Variants in TTC29 observed in about 807,000 individuals in gnomAD.
TTC29 encodes tetratricopeptide repeat domain 29.
Under a neutral mutation model 58.1 loss-of-function variants are expected in TTC29, and 49 were observed. The observed-to-expected ratio is 0.84, with a 90% CI of 0.67 to 1.07. The LOEUF (loss-of-function observed/expected upper bound fraction) is 1.07, where lower values mean the gene tolerates loss of function less well. Ranked by LOEUF, TTC29 falls within the 50% of genes least tolerant of loss-of-function variation. TTC29 has a pLI of 0.00. For synonymous variants in TTC29, 209 were observed against 196.8 expected, an observed-to-expected ratio of 1.06 and a Z score of -0.52; for missense variants, 582 against 555.6, an observed-to-expected ratio of 1.05 and a Z score of -0.48.
intron 11 of TTC29, among the ~76,000 whole-genome samples, chr4:146,795,379 C>A (rs1200190775): frequency 6.6e-6 from 1 of 152,052 alleles, no homozygotes; most frequent in Admixed American, 6.6e-5. Context: ...ATACTGGGCC[C>A]ACTGACCCAT....
At chr4:146,866,752 C>T (rs1368473202) in intron 8 of TTC29, among the ~76,000 whole-genome samples, 1 of 151,848 alleles carries the variant, frequency 6.6e-6, no homozygotes, top group Non-Finnish European at 1.5e-5. Context: ...TTCTACTTAG[C>T]AAAAAATATC....
intron 8 of TTC29, among the ~76,000 whole-genome samples, chr4:146,864,734 A>G (rs1730458545): frequency 6.6e-6 from 1 of 151,992 alleles, no homozygotes; most frequent in Non-Finnish European, 1.5e-5. Context: ...TTGTCTTCAC[A>G]TGGTCTTTTC....
chr4:146,804,959 G>T (rs1750498311), intron 10 of TTC29, among the ~76,000 whole-genome samples: 1 of 152,186 alleles, frequency 6.6e-6, no homozygotes, highest in Non-Finnish European at 1.5e-5. Context: ...CCCAGCAGGG[G>T]TCGACAGACA....
intron 8 of TTC29, among the ~76,000 whole-genome samples, chr4:146,847,501 C>A (rs933586573): frequency 6.6e-6 from 1 of 152,116 alleles, no homozygotes; most frequent in Admixed American, 6.6e-5. Flanking sequence ...ATTGACAAAA[C>A]AAGCCAGTGT....
chr4:146,832,088 A>G (rs562212529), intron 9 of TTC29, among the ~76,000 whole-genome samples: 27 of 152,268 alleles, frequency 1.8e-4, no homozygotes, highest in South Asian at 4.1e-4. Context: ...CTGGAACACA[A>G]TGGAAATATC....
intron 11 of TTC29, among the ~76,000 whole-genome samples, chr4:146,728,827 A>ACATATATATGTATATATACG (rs1579539140): frequency 5.9e-5 from 4 of 67,798 alleles, no homozygotes; most frequent in East Asian, 4.5e-4. Context: ...GTATATATAC[A>ACATATATATGTATATATACG]TATATATACA....
intron 9 of TTC29, among the ~76,000 whole-genome samples, chr4:146,827,366 C>G (rs1727880586): frequency 6.6e-6 from 1 of 152,214 alleles, no homozygotes; most frequent in Non-Finnish European, 1.5e-5. Context: ...CCCGCCCCCA[C>G]AGTAGCATTT....
intron 11 of TTC29, among the ~76,000 whole-genome samples, chr4:146,747,109 G>A (rs970361162): frequency 4.6e-5 from 7 of 152,086 alleles, no homozygotes; most frequent in Admixed American, 2.0e-4. Context: ...TATCACCACC[G>A]TGGACACTTG....
intron 11 of TTC29, among the ~76,000 whole-genome samples, chr4:146,708,349 TATATATAC>T (rs1171424612): frequency 0.014 from 308 of 22,236 alleles, 19 homozygotes; most frequent in South Asian, 0.045. Context: ...TATATATATA[TATATATAC>T]ACATGTATGT....
chr4:146,813,616 T>C (rs776687114), intron 10 of TTC29, among the ~76,000 whole-genome samples: 2 of 152,228 alleles, frequency 1.3e-5, no homozygotes, highest in Non-Finnish European at 2.9e-5. Context: ...AGGAGTAATA[T>C]GAAGCCAGAA....
rs573263458 is a variant in TTC29, at chr4:146,822,961, T to C, written c.978-2713A>G. Among the ~76,000 whole-genome samples the C allele has an allele frequency of 2.1e-4, 32 of 152,324 alleles. No homozygotes were observed. In the South Asian group the frequency reaches 6.6e-3, roughly 32 times the overall value. ...TGTTTGATGGGGTTGTTTGTTTTTTTCTTGTAAATATATTTAAGTTCCTTG... is the reference window on the plus strand; with the variant it reads ...TGTTTGATGGGGTTGTTTGTTTTTTCCTTGTAAATATATTTAAGTTCCTTG... On this transcript the variant is annotated intron_variant, in intron 9 of 12. Transcript: ENST00000325106.
chr4:146,735,553 G>A (rs531573118), intron 11 of TTC29, among the ~76,000 whole-genome samples: 91 of 152,312 alleles, frequency 6.0e-4, no homozygotes, highest in African/African-American at 2.0e-3. Flanking sequence ...AAAAGCCAGT[G>A]TAAGTCTTTT....
At chr4:146,931,853 T>G (rs1454380237) in intron 4 of TTC29, among the ~76,000 whole-genome samples, 1 of 152,142 alleles carries the variant, frequency 6.6e-6, no homozygotes, top group African/African-American at 2.4e-5. Context: ...TTTGAGACCA[T>G]TTTTTTGTAC....
intron 8 of TTC29, among the ~76,000 whole-genome samples, chr4:146,844,592 G>A (rs4835054): frequency 0.065 from 9,812 of 151,506 alleles, 414 homozygotes; most frequent in Admixed American, 0.13. Flanking sequence ...TGTTGCTTAC[G>A]CTGGTCTTGA....
rs530414387 is a variant in TTC29, at chr4:146,817,809, A to C, written c.1101+2316T>G. On this transcript the variant is annotated intron_variant, in intron 10 of 12. Coordinates refer to ENST00000325106, the MANE Select transcript of TTC29 (RefSeq NM_031956.4). ...CTACAAGTATCTGATCTTTGACAAA[A>C]CTGAGAAAAACAAGCAATGGGGAAA... Among the ~76,000 whole-genome samples the C allele has an allele frequency of 6.6e-5, 10 of 152,220 alleles. No homozygotes were observed. In the East Asian group the frequency reaches 9.7e-4, roughly 15 times the overall value.
chr4:146,843,886 G>C (rs1729003519), intron 8 of TTC29, among the ~76,000 whole-genome samples: 2 of 152,132 alleles, frequency 1.3e-5, no homozygotes, highest in African/African-American at 4.8e-5. Context: ...CATGTGATAA[G>C]TCCTGCAGAG....
chr4:146,757,295 T>C (rs1012113613), intron 11 of TTC29, among the ~76,000 whole-genome samples: 1 of 152,080 alleles, frequency 6.6e-6, no homozygotes, highest in African/African-American at 2.4e-5. Flanking sequence ...CTGCAGTGAT[T>C]ATTGTCTCTC....
chr4:146,852,523 C>T (rs1333336100), intron 8 of TTC29, among the ~76,000 whole-genome samples: 1 of 152,228 alleles, frequency 6.6e-6, no homozygotes, highest in Non-Finnish European at 1.5e-5. Context: ...AACAGTTTCA[C>T]TCCTGCAAGG....
At chr4:146,831,950 T>C (rs1017198015) in intron 9 of TTC29, among the ~76,000 whole-genome samples, 5 of 152,198 alleles carry the variant, frequency 3.3e-5, no homozygotes, top group Non-Finnish European at 7.3e-5. Context: ...ATTTTTGCGA[T>C]GAGGTCTTGC....
Sources: allele counts gnomAD v4.1 joint callset (sites outside exome capture counted in the v4.1 genomes callset), GRCh38; gene constraint gnomAD v4.1.1; transcripts MANE v1.5; gene names NCBI Gene and HGNC (gene_info 2026-07-23, HGNC 2026-07-21).